The following TENM3 variants were observed in gnomAD, a reference collection of about 807,000 sequenced individuals.
TENM3 encodes the protein teneurin transmembrane protein 3.
TENM3 carries 63 observed loss-of-function variants against 255.1 expected under a neutral mutation model. The observed-to-expected ratio is 0.25, with a 90% CI of 0.20 to 0.30. The LOEUF (loss-of-function observed/expected upper bound fraction) is 0.30, where lower values mean the gene tolerates loss of function less well. Ranked by LOEUF, TENM3 falls within the 10% of genes least tolerant of loss-of-function variation. TENM3 has a pLI of 1.00. For synonymous variants in TENM3, 1,306 were observed against 1,322.3 expected, an observed-to-expected ratio of 0.99 and a Z score of 0.27; for missense variants, 2,929 against 3,461.1, an observed-to-expected ratio of 0.85 and a Z score of 3.86.
At chr4:182,473,296 CTCT>C in intron 3 of TENM3, among the ~76,000 whole-genome samples, 1 of 152,298 alleles carries the variant, frequency 6.6e-6, no homozygotes, top group Non-Finnish European at 1.5e-5. Flanking sequence ...GAAACAAATG[CTCT>C]TCTTTGAGTT....
At chr4:181,501,403 G>A in the TENM3 span, among the ~76,000 whole-genome samples, 1 of 151,076 alleles carries the variant, frequency 6.6e-6, no homozygotes, top group Admixed American at 6.6e-5. Flanking sequence ...TTTTAAGATG[G>A]AGTCTCGCAC....
At chr4:182,209,753 G>A (rs1036342752) in intron 1 of TENM3, among the ~76,000 whole-genome samples, 1 of 152,054 alleles carries the variant, frequency 6.6e-6, no homozygotes, top group African/African-American at 2.4e-5. Context: ...CTGGGGCTTT[G>A]AGAGGTAGAT....
chr4:182,044,411 T>C, the TENM3 span, among the ~76,000 whole-genome samples: 3 of 152,238 alleles, frequency 2.0e-5, no homozygotes, highest in Non-Finnish European at 2.9e-5. Context: ...AGTGTGATTA[T>C]GAATACACTT....
At chr4:182,157,378 C>T (rs2149606125) in intron 1 of TENM3, among the ~76,000 whole-genome samples, 1 of 152,314 alleles carries the variant, frequency 6.6e-6, no homozygotes, top group African/African-American at 2.4e-5. Context: ...ATGTTTGTTG[C>T]ACGCTTGCCC....
chr4:181,463,387 T>C, the TENM3 span, among the ~76,000 whole-genome samples: 1 of 152,226 alleles, frequency 6.6e-6, no homozygotes, highest in Non-Finnish European at 1.5e-5. Context: ...TCTATGCATT[T>C]CCCATTCTAT....
chr4:181,883,620 G>A, the TENM3 span, among the ~76,000 whole-genome samples: 618 of 152,048 alleles, frequency 4.1e-3, 31 homozygotes, highest in East Asian at 0.087. Context: ...GACTACAGGC[G>A]CCCGCCACCA....
At chr4:182,346,305 AT>A (rs1764801909) in intron 2 of TENM3, among the ~76,000 whole-genome samples, 1 of 152,126 alleles carries the variant, frequency 6.6e-6, no homozygotes, top group Non-Finnish European at 1.5e-5. Context: ...GACAATTTCC[AT>A]TGCCTCACAA....
the TENM3 span, among the ~76,000 whole-genome samples, chr4:182,108,661 A>G: frequency 2.0e-5 from 3 of 152,184 alleles, no homozygotes; most frequent in Non-Finnish European, 4.4e-5. Flanking sequence ...ATGATTCCAA[A>G]TAAGTCCGAA....
At chr4:182,120,864 G>A in the TENM3 span, among the ~76,000 whole-genome samples, 1 of 152,106 alleles carries the variant, frequency 6.6e-6, no homozygotes, top group South Asian at 2.1e-4. Context: ...GAGGTCAAAG[G>A]GGTAACAGAG....
chr4:182,520,147 A>G (rs951445995), intron 3 of TENM3, among the ~76,000 whole-genome samples: 1 of 152,164 alleles, frequency 6.6e-6, no homozygotes, highest in African/African-American at 2.4e-5. Context: ...ATAGGAAGGA[A>G]GAACGAAAAT....
At chr4:182,384,497 T>A (rs1561390190) in intron 3 of TENM3, among the ~76,000 whole-genome samples, 1 of 152,308 alleles carries the variant, frequency 6.6e-6, no homozygotes, top group East Asian at 1.9e-4. Context: ...TGTACTAAAG[T>A]AGCCCTTGAA....
the TENM3 span, among the ~76,000 whole-genome samples, chr4:181,812,178 C>A: frequency 6.6e-6 from 1 of 152,102 alleles, no homozygotes; most frequent in South Asian, 2.1e-4. Flanking sequence ...GAGCTGGTGG[C>A]TTTCATTAAG....
At chr4:181,819,524 G>A in the TENM3 span, among the ~76,000 whole-genome samples, 1 of 152,138 alleles carries the variant, frequency 6.6e-6, no homozygotes, top group Non-Finnish European at 1.5e-5. Context: ...TTTCCATAAA[G>A]AATCACCTGT....
chr4:182,800,022 C>A lies in TENM3; in HGVS notation c.7771C>A (p.Arg2591Ser), dbSNP rs1197785933. The change falls in exon 28 of 28, where the codon CGC becomes AGC. Residue 2591 changes from arginine to serine, a missense_variant. Transcript: ENST00000511685. Reference protein sequence around the residue: ...QSTTVVNGRTRRFADVEMQFG... With the variant: ...QSTTVVNGRTSRFADVEMQFG... ...CACCACGGTGGTGAACGGCAGGACG[C>A]GCAGGTTCGCGGACGTGGAGATGCA... 6.3e-7 allele frequency: 1 copy of A among 1,595,380 alleles called. No individual in the cohort carries two copies. Among genetic ancestry groups the A allele is most frequent in the Non-Finnish European group, 8.5e-7 (1 of 1,172,104 alleles).
At chr4:182,534,864 G>A (rs1179090001) in intron 3 of TENM3, among the ~76,000 whole-genome samples, 1 of 152,160 alleles carries the variant, frequency 6.6e-6, no homozygotes, top group African/African-American at 2.4e-5. Flanking sequence ...AAATGAGGAC[G>A]ATCACTGATT....
chr4:182,473,373 A>T (rs1285981002), intron 3 of TENM3, among the ~76,000 whole-genome samples: 1 of 152,202 alleles, frequency 6.6e-6, no homozygotes, highest in African/African-American at 2.4e-5. Context: ...CTAATAAAAA[A>T]TTATTGTTTA....
intron 1 of TENM3, among the ~76,000 whole-genome samples, chr4:182,250,041 T>C (rs1246598193): frequency 6.6e-6 from 1 of 151,196 alleles, no homozygotes; most frequent in Non-Finnish European, 1.5e-5. Flanking sequence ...TTTTTCTTTT[T>C]CTTTTCTTTT....
At chr4:182,594,431 A>G (rs1746976591) in intron 3 of TENM3, among the ~76,000 whole-genome samples, 2 of 152,210 alleles carry the variant, frequency 1.3e-5, no homozygotes. Context: ...AAGCTGAGGC[A>G]GGAGGACCAG....
the TENM3 span, among the ~76,000 whole-genome samples, chr4:181,655,078 C>T: frequency 0.16 from 24,690 of 152,184 alleles, 2,541 homozygotes; most frequent in Non-Finnish European, 0.23. Context: ...TGGGAGGAAG[C>T]CCTGGAACCC....
Sources: allele counts gnomAD v4.1 joint callset (sites outside exome capture counted in the v4.1 genomes callset), GRCh38; gene constraint gnomAD v4.1.1; transcripts MANE v1.5; gene names NCBI Gene and HGNC (gene_info 2026-07-23, HGNC 2026-07-21).